The following RUNX1 variants were observed in gnomAD, a reference collection of about 807,000 sequenced individuals.
The protein encoded by RUNX1 is RUNX family transcription factor 1.
RUNX1 carries 19 observed loss-of-function variants against 42.8 expected under a neutral mutation model. The observed-to-expected ratio is 0.44, with a 90% confidence interval of 0.31 to 0.65. The LOEUF (loss-of-function observed/expected upper bound fraction) is 0.65. RUNX1 is among the 30% of genes least tolerant of loss of function. The pLI is 0.07. For missense variants in RUNX1, 528 were observed against 672.0 expected, an observed-to-expected ratio of 0.79 and a Z score of 2.37; for synonymous variants, 271 against 289.4, an observed-to-expected ratio of 0.94 and a Z score of 0.64.
chr21:34,932,102 T>C (rs1477342060), intron 2 of RUNX1, among the ~76,000 whole-genome samples: 1 of 152,028 alleles, frequency 6.6e-6, no homozygotes, highest in Non-Finnish European at 1.5e-5. Context: ...ATGATAACCA[T>C]GAGATTCCCA....
At chr21:34,886,484 C>T (rs950902843) in intron 4 of RUNX1, among the ~76,000 whole-genome samples, 1 of 152,246 alleles carries the variant, frequency 6.6e-6, no homozygotes, top group African/African-American at 2.4e-5. Flanking sequence ...GCGGTAGGGG[C>T]AGCAGTAAGT....
Position 34,791,364 on chromosome 21 carries a change from T to G in RUNX1, c.*771A>C, listed in dbSNP as rs976618024. 2.6e-5 allele frequency: 6 copies of G among 231,850 alleles called. No homozygotes were observed. The highest frequency in any genetic ancestry group is 4.3e-5 in the Non-Finnish European group (5 of 117,140). The allele number at this position is 231,850 out of a possible 1,614,324, so 14.4% of individuals were successfully genotyped here. On this transcript the variant is annotated 3_prime_UTR_variant, in exon 9 of 9. Coordinates refer to ENST00000675419, the MANE Select transcript of RUNX1 (RefSeq NM_001754.5). ...ACACATAAATGTCTGAACATCAAGA[T>G]ACATAAATATCTGGGGATTCCTTGT... is the stretch of plus-strand genomic sequence containing the variant.
intron 6 of RUNX1, among the ~76,000 whole-genome samples, chr21:34,852,923 T>C (rs2146200893): frequency 6.6e-6 from 1 of 152,320 alleles, no homozygotes; most frequent in South Asian, 2.1e-4. Context: ...CACAGATCCA[T>C]AAAACCATCT....
chr21:34,874,867 G>A (rs1000386016), intron 5 of RUNX1, among the ~76,000 whole-genome samples: 3 of 152,180 alleles, frequency 2.0e-5, no homozygotes, highest in Non-Finnish European at 4.4e-5. Context: ...GCTGAAACAG[G>A]AAGCTCTAAA....
chr21:34,818,070 A>G (rs1461379423), intron 7 of RUNX1, among the ~76,000 whole-genome samples: 2 of 152,244 alleles, frequency 1.3e-5, no homozygotes, highest in Non-Finnish European at 2.9e-5. Context: ...GCTGTCACTG[A>G]AATGTCAGCA....
At chr21:34,928,930 G>T (rs751490754) in intron 2 of RUNX1, among the ~76,000 whole-genome samples, 2 of 138,030 alleles carry the variant, frequency 1.4e-5, no homozygotes, top group Non-Finnish European at 3.1e-5. Context: ...ATCCCTGAGA[G>T]TATTGCAAGC....
intron 2 of RUNX1, among the ~76,000 whole-genome samples, chr21:34,978,309 A>G (rs1481369253): frequency 6.6e-6 from 1 of 152,220 alleles, no homozygotes; most frequent in Admixed American, 6.5e-5. Context: ...TTCTATTGAT[A>G]AGTATGAGGG....
intron 2 of RUNX1, among the ~76,000 whole-genome samples, chr21:34,943,263 C>G (rs137854945): frequency 6.6e-6 from 1 of 152,274 alleles, no homozygotes; most frequent in African/African-American, 2.4e-5. Flanking sequence ...TGCCCAGGAA[C>G]TGAAAAACAG....
chr21:34,911,222 G>A (rs993970288), intron 2 of RUNX1, among the ~76,000 whole-genome samples: 2 of 152,202 alleles, frequency 1.3e-5, no homozygotes, highest in Non-Finnish European at 1.5e-5. Flanking sequence ...AGGAGAAGAA[G>A]AGTAGGTGCT....
At chr21:34,861,329 G>A (rs894359749) in intron 5 of RUNX1, among the ~76,000 whole-genome samples, 1 of 152,178 alleles carries the variant, frequency 6.6e-6, no homozygotes, top group Admixed American at 6.5e-5. Flanking sequence ...GCCGCAGAGG[G>A]AGGCAGGTCC....
chr21:34,815,611 G>A (rs1220077949), intron 7 of RUNX1, among the ~76,000 whole-genome samples: 1 of 152,212 alleles, frequency 6.6e-6, no homozygotes, highest in African/African-American at 2.4e-5. Flanking sequence ...AATCTAGAAT[G>A]CTTTTAGAGA....
In RUNX1 at chr21:34,809,831, A is replaced by G. The variant is rs565352837; in HGVS notation, c.806-10369T>C. Among the ~76,000 whole-genome samples, 7 of 152,236 alleles carry G rather than the reference A, an allele frequency of 4.6e-5. No individual in the cohort carries two copies. In the South Asian group the frequency reaches 1.2e-3, roughly 27 times the overall value. ...TGCCTTAGGGTGTCAGCACGCAAGAAAAAAAAAGAAGTGACTTTACGTCTG... is the reference window on the plus strand; with the variant it reads ...TGCCTTAGGGTGTCAGCACGCAAGAGAAAAAAAGAAGTGACTTTACGTCTG... On this transcript the variant is annotated intron_variant, in intron 7 of 8. Coordinates refer to ENST00000675419, the MANE Select transcript of RUNX1 (RefSeq NM_001754.5).
At position 34,899,265 on chromosome 21, in the gene RUNX1, A is replaced by G. The variant is rs180885584; in HGVS notation, c.59-6302T>C. Reference sequence around the variant, plus strand: ...TGGCCTGAATGTTTGTATCCCTCCAAAATTCACATTGAAGCCCTAATCCTC... The same window carrying G: ...TGGCCTGAATGTTTGTATCCCTCCAGAATTCACATTGAAGCCCTAATCCTC... On this transcript the variant is annotated intron_variant, in intron 2 of 8. Transcript: ENST00000675419. Among the ~76,000 whole-genome samples, 27 of 152,228 alleles carry G rather than the reference A, an allele frequency of 1.8e-4. No individual in the cohort carries two copies. The East Asian group carries it at 2.7e-3, about 15-fold the overall frequency.
At chr21:34,890,170 G>A (rs1601537333) in intron 3 of RUNX1, among the ~76,000 whole-genome samples, 1 of 151,794 alleles carries the variant, frequency 6.6e-6, no homozygotes, top group Non-Finnish European at 1.5e-5. Context: ...CGGACTGCGC[G>A]GAGCTGTCGG....
At chr21:34,836,590 G>A (rs1256202909) in intron 6 of RUNX1, among the ~76,000 whole-genome samples, 5 of 152,176 alleles carry the variant, frequency 3.3e-5, no homozygotes, top group African/African-American at 9.7e-5. Context: ...TCCTACCACA[G>A]TCTAATGCCT....
At chr21:35,019,817 A>G (rs2146939925) in intron 2 of RUNX1, among the ~76,000 whole-genome samples, 1 of 152,282 alleles carries the variant, frequency 6.6e-6, no homozygotes, top group South Asian at 2.1e-4. Flanking sequence ...CCCTTTGCAC[A>G]CAGCTACTCA....
At chr21:34,899,624 C>A (rs1432887630) in intron 2 of RUNX1, among the ~76,000 whole-genome samples, 1 of 152,206 alleles carries the variant, frequency 6.6e-6, no homozygotes, top group Non-Finnish European at 1.5e-5. Context: ...TCACAAGGAG[C>A]TGCTTTACAT....
At chr21:34,834,997 T>G (rs889484071) in intron 6 of RUNX1, among the ~76,000 whole-genome samples, 1 of 152,174 alleles carries the variant, frequency 6.6e-6, no homozygotes, top group Non-Finnish European at 1.5e-5. Context: ...CCAGGAAAGG[T>G]GGCCTCCCAG....
chr21:34,864,748 G>T (rs2057632293), intron 5 of RUNX1, among the ~76,000 whole-genome samples: 1 of 152,176 alleles, frequency 6.6e-6, no homozygotes, highest in South Asian at 2.1e-4. Flanking sequence ...TCCAGCCAGG[G>T]CTTGGGTTCC....
Sources: gnomAD v4.1 joint callset for allele counts (sites outside exome capture counted in the v4.1 genomes callset) on GRCh38, gnomAD v4.1.1 for gene constraint, MANE v1.5 for transcripts, NCBI Gene and HGNC (gene_info 2026-07-23, HGNC 2026-07-21) for gene names.